Variants in NDUFA11 observed in about 807,000 individuals in gnomAD.
The protein encoded by NDUFA11 is NADH dehydrogenase [ubiquinone] 1 alpha subcomplex subunit 11.
A neutral mutation model predicts 11.3 loss-of-function variants in NDUFA11; 14 were observed. That is an observed-to-expected ratio of 1.24 (90% CI 0.82 to 1.94). The LOEUF (loss-of-function observed/expected upper bound fraction) is 1.94, where lower values mean the gene tolerates loss of function less well. Ranked by LOEUF, NDUFA11 falls within the 30% of genes most tolerant of loss-of-function variation. The pLI, the probability that NDUFA11 is intolerant of heterozygous loss-of-function variation, is 0.00. For synonymous variants in NDUFA11, 87 were observed against 85.6 expected (o/e 1.02, Z -0.09); for missense variants, 204 against 200.3 (o/e 1.02, Z -0.11).
At chr19:5,903,290 C>T (rs867591309) in intron 1 of NDUFA11, among the ~76,000 whole-genome samples, 28 of 152,214 alleles carry the variant, frequency 1.8e-4, no homozygotes, top group African/African-American at 6.7e-4. Context: ...TCTCGTGGTC[C>T]CTTAGCTCCT....
At position 5,894,855 on chromosome 19, in the gene NDUFA11, C is replaced by T; in HGVS notation, c.314-1G>A. On this transcript the variant is annotated splice_acceptor_variant, in intron 3 of 3. Coordinates refer to ENST00000308961, the MANE Select transcript of NDUFA11 (RefSeq NM_175614.5). LOFTEE classifies it high-confidence loss of function. Reference sequence around the variant, plus strand: ...GCGGCGCCAATCCCGTAGTTGTGCGCTGTGGGAGTGGGGAGGTGATGTCAG... The same window carrying T: ...GCGGCGCCAATCCCGTAGTTGTGCGTTGTGGGAGTGGGGAGGTGATGTCAG... 6.2e-7 allele frequency: 1 copy of T among 1,600,716 alleles called. No individual in the cohort carries two copies. The highest frequency in any genetic ancestry group is 1.1e-5 in the South Asian group (1 of 89,342).
At chr19:5,893,439 TGA>T (rs771560915), downstream of NDUFA11, 5 of 558,090 alleles carry the variant, frequency 9.0e-6, no homozygotes, top group Admixed American at 3.0e-5. The surrounding 1 kb of genome is among the most constrained non-coding windows in gnomAD (Gnocchi z 4.1). Context: ...CCCTCCAGCT[TGA>T]GAGACAGAGC....
At chr19:5,900,543 AAGTGAGTG>A (rs1266887517) in intron 1 of NDUFA11, among the ~76,000 whole-genome samples, 2 of 152,216 alleles carry the variant, frequency 1.3e-5, no homozygotes, top group Non-Finnish European at 2.9e-5. Flanking sequence ...CCCCGGAATG[AAGTGAGTG>A]GGGCAGTGAG....
rs1374064284 is a variant in NDUFA11 at position 5,894,814 on chromosome 19, A to C, written c.354T>G (p.Phe118Leu). The C allele has an allele frequency of 6.2e-7, 1 of 1,613,358 alleles. No individual in the cohort carries two copies. Among genetic ancestry groups the C allele is most frequent in the Admixed American group, 1.7e-5 (1 of 59,970 alleles). Residue 118 changes from phenylalanine to leucine, a missense_variant, in exon 4 of 4, where the codon TTT becomes TTG. By Grantham distance (22) the Phe-to-Leu change is conservative (BLOSUM62 0). Coordinates refer to ENST00000308961, the MANE Select transcript of NDUFA11 (RefSeq NM_175614.5). ...YGIGAAACVYFGIAASLVKMG... is the reference protein window; with the variant it reads ...YGIGAAACVYLGIAASLVKMG... The stretch of plus-strand genomic sequence containing the variant: ...TCTTGACCAGGGAGGCCGCTATGCC[A>C]AAGTACACGCAGGCGGCGGCGCCAA...
intron 1 of NDUFA11, among the ~76,000 whole-genome samples, chr19:5,901,101 C>T (rs2057642564): frequency 6.6e-6 from 1 of 152,014 alleles, no homozygotes; most frequent in Non-Finnish European, 1.5e-5. Flanking sequence ...TTCTAAGACC[C>T]TCTGGGGAGC....
chr19:5,903,577 C>T, intron 1 of NDUFA11, 35 bp downstream of exon 1: 1 of 1,540,190 alleles, frequency 6.5e-7, no homozygotes, highest in Non-Finnish European at 8.8e-7. Flanking sequence ...CCTGCGGCCT[C>T]GGCCCTCCAC....
chr19:5,892,760 G>A (rs978653275), downstream of NDUFA11: 44 of 1,008,218 alleles, frequency 4.4e-5, no homozygotes, highest in Non-Finnish European at 5.1e-5. Flanking sequence ...CGGTGCCCTC[G>A]AGTGGATGCG....
chr19:5,899,010 T>G (rs1057055105), intron 1 of NDUFA11, among the ~76,000 whole-genome samples: 33 of 150,974 alleles, frequency 2.2e-4, no homozygotes, highest in African/African-American at 7.8e-4. Context: ...CCCCCAGGAC[T>G]CCCCACCTGC....
At chr19:5,894,162 T>G (rs2057593191), downstream of NDUFA11, among the ~76,000 whole-genome samples, 1 of 152,244 alleles carries the variant, frequency 6.6e-6, no homozygotes, top group African/African-American at 2.4e-5. Context: ...CGCTCTGCCC[T>G]AGCCCCAGGG....
intron 1 of NDUFA11, chr19:5,901,561 C>T (rs1244251429): frequency 5.3e-6 from 5 of 950,526 alleles, no homozygotes; most frequent in Admixed American, 2.9e-5. Flanking sequence ...CCAATGGAGC[C>T]GCAACTTTGG....
chr19:5,897,335 G>A lies in NDUFA11; in HGVS notation c.98-338C>T, dbSNP rs577510545. On this transcript the variant is annotated intron_variant, in intron 1 of 3. Transcript: ENST00000308961. ...GGCCGGCAGACGGAGACTCATCCAC[G>A]TGGTGGACACAAGAACAGGCCTGAG... Among the ~76,000 whole-genome samples, 13 of 152,278 alleles carry A rather than the reference G, an allele frequency of 8.5e-5. No homozygotes were observed. The South Asian group carries it at 1.2e-3, about 15-fold the overall frequency.
chr19:5,895,709 C>A (rs2057603730), intron 3 of NDUFA11: 1 of 153,216 alleles, frequency 6.5e-6, no homozygotes, highest in South Asian at 2.1e-4. Context: ...CAGGCGGGCA[C>A]TGACGCTGAG....
chr19:5,899,181 G>A (rs1222084225), intron 1 of NDUFA11, among the ~76,000 whole-genome samples: 7 of 144,772 alleles, frequency 4.8e-5, no homozygotes, highest in Middle Eastern at 3.6e-3. Context: ...ATAGAGTCTC[G>A]CTCTGTCGCC....
At chr19:5,900,989 C>T (rs1445014660) in intron 1 of NDUFA11, among the ~76,000 whole-genome samples, 1 of 151,874 alleles carries the variant, frequency 6.6e-6, no homozygotes, top group Non-Finnish European at 1.5e-5. Context: ...CCCGGGGCAC[C>T]CTTGGAGGGC....
intron 1 of NDUFA11, among the ~76,000 whole-genome samples, chr19:5,897,473 G>A (rs903043655): frequency 6.6e-6 from 1 of 152,128 alleles, no homozygotes; most frequent in Non-Finnish European, 1.5e-5. Context: ...CTATTCTCCT[G>A]TGGGGCCCGG....
At chr19:5,895,443 C>T (rs1342006311) in intron 3 of NDUFA11, 2 of 154,308 alleles carry the variant, frequency 1.3e-5, no homozygotes, top group South Asian at 2.0e-4. Context: ...CAGTCAAGAC[C>T]TCAACCCACC....
chr19:5,901,430 T>C (rs1000805066), intron 1 of NDUFA11: 4 of 1,287,086 alleles, frequency 3.1e-6, no homozygotes, highest in African/African-American at 1.5e-5. Context: ...GCAGTTAATA[T>C]GCTTCTCCAA....
At chr19:5,898,328 C>A (rs1057388094) in intron 1 of NDUFA11, among the ~76,000 whole-genome samples, 2 of 152,204 alleles carry the variant, frequency 1.3e-5, no homozygotes, top group African/African-American at 4.8e-5. Flanking sequence ...CCAACAGCAC[C>A]CTAGCCTCAG....
At position 5,899,451 on chromosome 19, in the gene NDUFA11, C is replaced by CTTTTTT. The variant is rs71172780; in HGVS notation, c.98-2460_98-2455dup. Among the ~76,000 whole-genome samples the CTTTTTT allele has an allele frequency of 8.7e-4, 60 of 68,834 alleles. 2 individuals are homozygous for CTTTTTT. Among genetic ancestry groups the CTTTTTT allele is most frequent in the South Asian group, 1.2e-3 (2 of 1,672 alleles). The allele number at this position is 68,834 out of a possible 152,430, so 45.2% of individuals were successfully genotyped here. On this transcript the variant is annotated intron_variant, in intron 1 of 3. Coordinates refer to ENST00000308961, the MANE Select transcript of NDUFA11 (RefSeq NM_175614.5). ...AGGCGTGAGCCACCGCGCCCGGACT[C>CTTTTTT]TTTTTTTTTTTTTTTTTTTTTTTGA...
Sources: gnomAD v4.1 joint callset for allele counts (sites outside exome capture counted in the v4.1 genomes callset) on GRCh38, gnomAD v4.1.1 for gene constraint, Gnocchi (gnomAD v3.1) non-coding constraint, MANE v1.5 for transcripts, NCBI Gene and HGNC (gene_info 2026-07-23, HGNC 2026-07-21) for gene names.